RANBP2: variants seen among roughly 807,000 people sequenced by gnomAD.
RANBP2 encodes E3 SUMO-protein ligase RanBP2.
In RANBP2, 57 loss-of-function variants were observed where a neutral mutation model predicts 303.6. That is an observed-to-expected ratio of 0.19 (90% confidence interval 0.15 to 0.23). The LOEUF (loss-of-function observed/expected upper bound fraction) is 0.23, where lower values mean the gene tolerates loss of function less well. Among genes scored for constraint, RANBP2 ranks in the 10% least tolerant of loss-of-function variants. The pLI is 1.00. For synonymous variants in RANBP2, 1,167 were observed against 1,301.5 expected, an observed-to-expected ratio of 0.90 and a Z score of 2.23; for missense variants, 3,138 against 3,780.8, an observed-to-expected ratio of 0.83 and a Z score of 4.46.
chr2:108,878,538 ATGTC>A, the RANBP2 span: 1 of 213,442 alleles, frequency 4.7e-6, no homozygotes, highest in South Asian at 8.4e-5. Flanking sequence ...CAGACTGAAA[ATGTC>A]ACCACCATCT....
At chr2:109,163,691 G>T in the RANBP2 span, among the ~76,000 whole-genome samples, 1 of 152,122 alleles carries the variant, frequency 6.6e-6, no homozygotes, top group South Asian at 2.1e-4. Context: ...GAGCCACCGC[G>T]CCTGGCCGCA....
chr2:108,896,924 G>A, the RANBP2 span: 1 of 1,612,640 alleles, frequency 6.2e-7, no homozygotes, highest in East Asian at 2.2e-5. Flanking sequence ...GCAGCATGTG[G>A]CTGGGAGGCA....
At chr2:108,938,530 A>G in the RANBP2 span, among the ~76,000 whole-genome samples, 1 of 152,206 alleles carries the variant, frequency 6.6e-6, no homozygotes, top group African/African-American at 2.4e-5. Context: ...AGAAGTTCAG[A>G]GGGAGAGCAC....
the RANBP2 span, chr2:109,501,361 A>T: frequency 5.9e-6 from 3 of 506,724 alleles, no homozygotes; most frequent in African/African-American, 1.9e-5. Flanking sequence ...TGAAAAAATT[A>T]AAAATAAAGA....
the RANBP2 span, among the ~76,000 whole-genome samples, chr2:109,410,842 G>A: frequency 2.5e-5 from 3 of 118,904 alleles, no homozygotes; most frequent in Non-Finnish European, 5.5e-5. Context: ...CTTTGAAGTC[G>A]GAGCAGAGAT....
At chr2:109,371,503 C>G in the RANBP2 span, 1 of 1,161,166 alleles carries the variant, frequency 8.6e-7, no homozygotes, top group African/African-American at 1.5e-5. Flanking sequence ...TCCGAGCCTC[C>G]ACAGTACTAA....
chr2:108,953,179 G>T, the RANBP2 span, among the ~76,000 whole-genome samples: 7 of 152,296 alleles, frequency 4.6e-5, no homozygotes, highest in East Asian at 1.3e-3. Context: ...AGCTCAAAGT[G>T]GTGGCTGAGC....
At chr2:108,943,344 G>C in the RANBP2 span, among the ~76,000 whole-genome samples, 1 of 152,164 alleles carries the variant, frequency 6.6e-6, no homozygotes, top group African/African-American at 2.4e-5. Context: ...CTCAGAGCTT[G>C]GGGATCAGAG....
the RANBP2 span, among the ~76,000 whole-genome samples, chr2:109,210,384 T>G: frequency 6.6e-6 from 1 of 152,344 alleles, no homozygotes; most frequent in African/African-American, 2.4e-5. Flanking sequence ...GAAAGCCTGG[T>G]CTTTTCCGTG....
chr2:108,852,928 A>G, the RANBP2 span, among the ~76,000 whole-genome samples: 1 of 152,238 alleles, frequency 6.6e-6, no homozygotes, highest in African/African-American at 2.4e-5. Context: ...ACAGAAGTAA[A>G]ATGAGCAAAT....
the RANBP2 span, among the ~76,000 whole-genome samples, chr2:109,018,432 G>T: frequency 6.6e-6 from 1 of 152,212 alleles, no homozygotes; most frequent in African/African-American, 2.4e-5. Flanking sequence ...CAGCCAGGGG[G>T]TCTTTTCCCA....
the RANBP2 span, among the ~76,000 whole-genome samples, chr2:108,951,874 C>A: frequency 2.0e-5 from 3 of 152,154 alleles, no homozygotes; most frequent in South Asian, 2.1e-4. Flanking sequence ...TTATGATCTT[C>A]CCAAGGTCTC....
At chr2:108,800,295 C>T in the RANBP2 span, among the ~76,000 whole-genome samples, 6 of 152,116 alleles carry the variant, frequency 3.9e-5, no homozygotes, top group Admixed American at 1.3e-4. Flanking sequence ...GAGATAGTCT[C>T]GCTCTGTCAT....
the RANBP2 span, among the ~76,000 whole-genome samples, chr2:108,893,042 TAAAG>T: frequency 7.7e-4 from 117 of 152,320 alleles, no homozygotes; most frequent in East Asian, 2.5e-3. Context: ...GTTCACAAAA[TAAAG>T]AAAGAGGCCA....
the RANBP2 span, among the ~76,000 whole-genome samples, chr2:109,551,687 T>C: frequency 6.6e-6 from 1 of 152,222 alleles, no homozygotes; most frequent in African/African-American, 2.4e-5. Flanking sequence ...ATAAATAAAT[T>C]AGTAAACTAT....
chr2:108,834,394 G>C, the RANBP2 span, among the ~76,000 whole-genome samples: 1 of 151,818 alleles, frequency 6.6e-6, no homozygotes, highest in South Asian at 2.1e-4. Flanking sequence ...ATTTTTAATA[G>C]AGACAGATGG....
the RANBP2 span, among the ~76,000 whole-genome samples, chr2:109,298,591 T>C: frequency 6.6e-6 from 1 of 151,784 alleles, no homozygotes; most frequent in African/African-American, 2.4e-5. Context: ...AGCCCCGGGG[T>C]CCTCAGGGAG....
the RANBP2 span, among the ~76,000 whole-genome samples, chr2:109,737,853 CTTG>C: frequency 6.6e-6 from 1 of 152,084 alleles, no homozygotes; most frequent in Non-Finnish European, 1.5e-5. Flanking sequence ...TTTTCTTATA[CTTG>C]TTGGCCATTT....
At chr2:108,927,744 G>C in the RANBP2 span, among the ~76,000 whole-genome samples, 2 of 152,100 alleles carry the variant, frequency 1.3e-5, no homozygotes, top group Non-Finnish European at 2.9e-5. Flanking sequence ...TAGCTATCTA[G>C]GTCTGGATGT....
Sources: allele counts gnomAD v4.1 joint callset (sites outside exome capture counted in the v4.1 genomes callset), GRCh38; gene constraint gnomAD v4.1.1; transcripts MANE v1.5; gene names NCBI Gene and HGNC (gene_info 2026-07-23, HGNC 2026-07-21).